Variants in FOXJ2 observed in about 807,000 individuals in gnomAD.
FOXJ2 encodes forkhead box J2.
In FOXJ2, 18 loss-of-function variants were observed where a neutral mutation model predicts 68.4. The observed-to-expected ratio is 0.26, with a 90% confidence interval of 0.18 to 0.39. The LOEUF is 0.39. Among genes scored for constraint, FOXJ2 ranks in the 10% least tolerant of loss-of-function variants. FOXJ2 has a pLI of 1.00. For missense variants in FOXJ2, 670 were observed against 726.5 expected (o/e 0.92, Z 0.89); for synonymous variants, 274 against 263.2 (o/e 1.04, Z -0.40).
chr12:8,032,977 A>C lies in FOXJ2; in HGVS notation c.-871A>C. The stretch of plus-strand genomic sequence containing the variant: ...GGACAGCCGGGAGTACGAAAGCCCC[A>C]CCCTCTGGGGCACCCCGGGAGCGGA... On this transcript the variant is annotated 5_prime_UTR_variant, in exon 1 of 11. Coordinates refer to ENST00000162391, the MANE Select transcript of FOXJ2 (RefSeq NM_018416.3). This position sits in a 1 kb window ranked among gnomAD's most constrained non-coding sequence, Gnocchi z 4.8. 2.5e-6 allele frequency: 1 copy of C among 394,526 alleles called. No homozygotes were observed. The highest frequency in any genetic ancestry group is 4.5e-6 in the Non-Finnish European group (1 of 223,864). The allele number at this position is 394,526 out of a possible 1,614,324, so 24.4% of individuals were successfully genotyped here.
At chr12:8,036,874 A>C (rs1041991624) in intron 1 of FOXJ2, among the ~76,000 whole-genome samples, 1 of 152,108 alleles carries the variant, frequency 6.6e-6, no homozygotes, top group Non-Finnish European at 1.5e-5. Context: ...AGATCACCTG[A>C]GGTCAGGAGT....
In FOXJ2 at chr12:8,052,918, C is replaced by A; in HGVS notation, c.*68C>A. ...AATCTGGCAGTGGGGAAAGAGCAAC[C>A]CCAGCCCGTCCCTTCCCCCCGTCTG... On this transcript the variant is annotated 3_prime_UTR_variant, in exon 11 of 11. Transcript: ENST00000162391. 8.5e-7 allele frequency: 1 copy of A among 1,172,856 alleles called. No homozygotes were observed. The highest frequency in any genetic ancestry group is 1.2e-6 in the Non-Finnish European group (1 of 802,244). The allele number at this position is 1,172,856 out of a possible 1,614,324, so 72.7% of individuals were successfully genotyped here. A position where few individuals can be genotyped will look rare whatever the true frequency, so the allele number is the denominator to read the frequency against.
At chr12:8,049,101 G>A (rs1297600189) in intron 8 of FOXJ2, among the ~76,000 whole-genome samples, 1 of 152,234 alleles carries the variant, frequency 6.6e-6, no homozygotes, top group Non-Finnish European at 1.5e-5. Flanking sequence ...CTCACTGACA[G>A]TGTGACCTTG....
At chr12:8,047,808 T>C (rs1275466090) in intron 6 of FOXJ2, 74 bp from the exon 7 acceptor site, 4 of 1,511,138 alleles carry the variant, frequency 2.6e-6, no homozygotes, top group African/African-American at 1.4e-5. Context: ...GCTTCCCATC[T>C]CAACCCAGGG....
chr12:8,039,365 G>T (rs1424692848), intron 1 of FOXJ2, among the ~76,000 whole-genome samples: 6 of 152,080 alleles, frequency 3.9e-5, no homozygotes, highest in Non-Finnish European at 5.9e-5. Context: ...GTAGACTTTT[G>T]CTTTATATGT....
Position 8,035,167 on chromosome 12 carries a change from C to A in FOXJ2, c.-15+1334C>A, listed in dbSNP as rs1049518551. On this transcript the variant is annotated intron_variant, in intron 1 of 10. Transcript: ENST00000162391. The surrounding 1 kb of genome is among the most constrained non-coding windows in gnomAD (Gnocchi z 4.0). ...GACAACATGCATATACTTCTTAATT[C>A]ATGTGAATGTGGCTCTCTGTTTCAA... Among the ~76,000 whole-genome samples, 7 of 152,198 alleles carry A rather than the reference C, an allele frequency of 4.6e-5. No homozygotes were observed. The highest frequency in any genetic ancestry group is 1.7e-4 in the African/African-American group (7 of 41,442).
At chr12:8,042,190 T>C (rs909208102) in intron 2 of FOXJ2, among the ~76,000 whole-genome samples, 4 of 152,362 alleles carry the variant, frequency 2.6e-5, no homozygotes, top group African/African-American at 9.6e-5. Flanking sequence ...AACACACTTA[T>C]ACAATATTTC....
In FOXJ2 at chr12:8,048,692, T is replaced by C. The variant is rs749113155; in HGVS notation, c.1226-5T>C. 2.5e-6 allele frequency: 4 copies of C among 1,613,410 alleles called. No homozygotes were observed. The South Asian group carries it at 3.3e-5, about 13-fold the overall frequency. On this transcript the variant is annotated splice_polypyrimidine_tract_variant and splice_region_variant and intron_variant, in intron 7 of 10. Transcript: ENST00000162391. ...TTATTATCCACTTTCCCCTCCTCTT[T>C]ACAGCCTTTCCTTCTGACTGGTGCT...
In FOXJ2 at chr12:8,038,524, A is replaced by T. The variant is rs1219106048; in HGVS notation, c.-14-1295A>T. On this transcript the variant is annotated intron_variant, in intron 1 of 10. Coordinates refer to ENST00000162391, the MANE Select transcript of FOXJ2 (RefSeq NM_018416.3). This position sits in a 1 kb window ranked among gnomAD's most constrained non-coding sequence, Gnocchi z 5.3. ...TCCTCAGGAGAAGTGCCCTGGTGGG[A>T]CTGAGGAAGACAATGTTAGCTGGCA... Among the ~76,000 whole-genome samples, 1 of 152,146 alleles carries T rather than the reference A, an allele frequency of 6.6e-6. No homozygotes were observed. Among genetic ancestry groups the T allele is most frequent in the Non-Finnish European group, 1.5e-5 (1 of 68,022 alleles).
At position 8,044,828 on chromosome 12, in the gene FOXJ2, C is replaced by T. The variant is rs35642012; in HGVS notation, c.687C>T (p.Pro229=). ...GASGRESAEG[P]PPLYNTNHDF... ...CAGGCCGAGAAAGTGCTGAGGGTCC[C>T]CCTCCCCTCTATAACACCAACCATG... Residue 229 remains proline, a synonymous_variant, in exon 6 of 11, where the codon CCC becomes CCT. Coordinates refer to ENST00000162391, the MANE Select transcript of FOXJ2 (RefSeq NM_018416.3). 2 of 1,613,282 alleles carry T rather than the reference C, an allele frequency of 1.2e-6. No homozygotes were observed. Among genetic ancestry groups the T allele is most frequent in the Non-Finnish European group, 1.7e-6 (2 of 1,179,322 alleles).
In FOXJ2 at chr12:8,048,223, G is replaced by A. The variant is rs1341174129; in HGVS notation, c.1159G>A (p.Ala387Thr). ...TCAGCACCATCCCCACTCCCACCCT[G>A]CCCAGCAGCCACCACCTCCACAGCC... ...PHQHHPHSHP[A>T]QQPPPPQPQA... The change falls in exon 7 of 11, where the codon GCC becomes ACC. Residue 387 changes from alanine to threonine, a missense_variant. Transcript: ENST00000162391. 6.2e-7 allele frequency: 1 copy of A among 1,606,054 alleles called. No homozygotes were observed. Among genetic ancestry groups the A allele is most frequent in the African/African-American group, 1.3e-5 (1 of 74,832 alleles).
chr12:8,050,908 T>TTCCCCTTCCCTTCCCG (rs1565631503), intron 10 of FOXJ2, among the ~76,000 whole-genome samples: 1 of 84,956 alleles, frequency 1.2e-5, no homozygotes, highest in Non-Finnish European at 2.3e-5. Flanking sequence ...TCCCCTTCCC[T>TTCCCCTTCCCTTCCCG]TCCCTTTCCT....
Position 8,040,227 on chromosome 12 carries a change from G to A in FOXJ2, c.333+62G>A. ...CTTCAACAGCCTTTTTAGAGAAAAAGGTTTTGTTTCTTCTTGTAACCTGTT... is the reference window on the plus strand; with the variant it reads ...CTTCAACAGCCTTTTTAGAGAAAAAAGTTTTGTTTCTTCTTGTAACCTGTT... On this transcript the variant is annotated intron_variant, in intron 2 of 10. Transcript: ENST00000162391. This position sits in a 1 kb window ranked among gnomAD's most constrained non-coding sequence, Gnocchi z 4.0. 1 of 1,527,650 alleles carries A rather than the reference G, an allele frequency of 6.5e-7. No individual in the cohort carries two copies. The highest frequency in any genetic ancestry group is 8.9e-7 in the Non-Finnish European group (1 of 1,121,756). 94.6% of individuals were successfully genotyped at this position (1,527,650 alleles called of 1,614,324 possible). A position where few individuals can be genotyped will look rare whatever the true frequency, so the allele number is the denominator to read the frequency against.
intron 8 of FOXJ2, 36 bp downstream of exon 8, chr12:8,048,834 A>C: frequency 5.8e-6 from 9 of 1,564,404 alleles, no homozygotes; most frequent in Non-Finnish European, 7.9e-6. Flanking sequence ...AGAGGGATAC[A>C]CTGTAAGGGA....
intron 8 of FOXJ2, 69 bp downstream of exon 8, chr12:8,048,867 G>T: frequency 7.9e-7 from 1 of 1,262,536 alleles, no homozygotes; most frequent in South Asian, 1.2e-5. Flanking sequence ...AACTGGAACC[G>T]GAAGGGGGTG....
Position 8,055,146 on chromosome 12 carries a change from C to T in FOXJ2, c.*2296C>T, listed in dbSNP as rs1947171360. ...CCTTTGGGCCTCAGTTTCCCCTCCCCTTCATGAAATGAAAAGAATACTACT... is the reference window on the plus strand; with the variant it reads ...CCTTTGGGCCTCAGTTTCCCCTCCCTTTCATGAAATGAAAAGAATACTACT... On this transcript the variant is annotated 3_prime_UTR_variant, in exon 11 of 11. Transcript: ENST00000162391. 6.5e-6 allele frequency: 1 copy of T among 152,678 alleles called. No individual in the cohort carries two copies. Among genetic ancestry groups the T allele is most frequent in the African/African-American group, 2.4e-5 (1 of 41,456 alleles). The allele number at this position is 152,678 out of a possible 1,614,324, so 9.5% of individuals were successfully genotyped here.
chr12:8,050,438 A>G, intron 9 of FOXJ2, 84 bp from the exon 10 acceptor site: 3 of 1,540,082 alleles, frequency 1.9e-6, no homozygotes, highest in Non-Finnish European at 2.6e-6. Flanking sequence ...GATGGGAGCA[A>G]GGGTATATTT....
At chr12:8,049,864 T>C in intron 9 of FOXJ2, 1 of 428,200 alleles carries the variant, frequency 2.3e-6, no homozygotes, top group Admixed American at 4.1e-5. Context: ...AATTTGCGTC[T>C]CAGTAATCCC....
At chr12:8,041,414 G>T (rs760180269) in intron 2 of FOXJ2, among the ~76,000 whole-genome samples, 1 of 151,086 alleles carries the variant, frequency 6.6e-6, no homozygotes, top group East Asian at 1.9e-4. Context: ...CATGTTGGCT[G>T]GGCTGGTCTT....
Sources: gnomAD v4.1 joint callset for allele counts (sites outside exome capture counted in the v4.1 genomes callset) on GRCh38, gnomAD v4.1.1 for gene constraint, Gnocchi (gnomAD v3.1) non-coding constraint, MANE v1.5 for transcripts, NCBI Gene and HGNC (gene_info 2026-07-23, HGNC 2026-07-21) for gene names.